The following PHLDB2 variants were observed in gnomAD, a reference collection of about 807,000 sequenced individuals.
PHLDB2 encodes the protein pleckstrin homology-like domain family B member 2.
In PHLDB2, 71 loss-of-function variants were observed where a neutral mutation model predicts 123.6. The ratio of observed to expected loss-of-function variants is 0.57; its 90% confidence interval spans 0.47 to 0.70. The LOEUF (loss-of-function observed/expected upper bound fraction) is 0.70. Among genes scored for constraint, PHLDB2 ranks in the 30% least tolerant of loss-of-function variants. The probability of loss-of-function intolerance (pLI) is 0.00; values close to 1 mark genes in which losing one functional copy is unlikely to be tolerated. For missense variants in PHLDB2, 1,446 were observed against 1,519.5 expected (o/e 0.95, Z 0.80); for synonymous variants, 547 against 541.6 (o/e 1.01, Z -0.14).
At chr3:111,816,838 T>A (rs952365583) in intron 1 of PHLDB2, among the ~76,000 whole-genome samples, 2 of 152,192 alleles carry the variant, frequency 1.3e-5, no homozygotes, top group Non-Finnish European at 2.9e-5. Flanking sequence ...CATCTTGAAT[T>A]GTAACTCCCA....
At chr3:111,793,717 T>C (rs78796256) in intron 1 of PHLDB2, among the ~76,000 whole-genome samples, 2,845 of 151,840 alleles carry the variant, frequency 0.019, 54 homozygotes, top group Middle Eastern at 0.051. Context: ...CAAGGACTCT[T>C]TGGTCAGCAG....
At chr3:111,807,959 T>G (rs998973064) in intron 1 of PHLDB2, among the ~76,000 whole-genome samples, 16 of 151,606 alleles carry the variant, frequency 1.1e-4, no homozygotes, top group South Asian at 2.1e-4. Context: ...TTTTTTTTTT[T>G]TTTTTGCCTA....
chr3:111,838,504 T>C (rs2063519227), intron 1 of PHLDB2, among the ~76,000 whole-genome samples: 1 of 152,178 alleles, frequency 6.6e-6, no homozygotes, highest in South Asian at 2.1e-4. Flanking sequence ...GGAAGTTACT[T>C]ATATACCTAT....
intron 1 of PHLDB2, among the ~76,000 whole-genome samples, chr3:111,795,463 C>T (rs1039582132): frequency 1.3e-5 from 2 of 152,214 alleles, no homozygotes; most frequent in Non-Finnish European, 2.9e-5. Context: ...CACAGTCCTT[C>T]ACAATGCTGC....
chr3:111,954,562 A>C (rs2070920287), intron 12 of PHLDB2, among the ~76,000 whole-genome samples: 1 of 152,118 alleles, frequency 6.6e-6, no homozygotes, highest in African/African-American at 2.4e-5. Flanking sequence ...TTTTTGTAGT[A>C]ATACATTACA....
intron 1 of PHLDB2, among the ~76,000 whole-genome samples, chr3:111,758,308 G>C (rs568850504): frequency 1.3e-4 from 20 of 152,340 alleles, no homozygotes; most frequent in African/African-American, 4.8e-4. Context: ...CTGGGCAATG[G>C]TGGGTGCCCC....
chr3:111,866,144 G>A lies in PHLDB2; in HGVS notation c.-15+6568G>A, dbSNP rs182765130. 3.0e-3 allele frequency among the ~76,000 whole-genome samples: 450 copies of A among 148,576 alleles called. 3 individuals carry two copies. The highest frequency in any genetic ancestry group is 0.011 in the African/African-American group (428 of 40,294). ...AGTGATTATCCTGCCTCAGCCTCCCGAGTAGCTGGGATTACAGGCATGCAC... is the reference window on the plus strand; with the variant it reads ...AGTGATTATCCTGCCTCAGCCTCCCAAGTAGCTGGGATTACAGGCATGCAC... On this transcript the variant is annotated intron_variant, in intron 1 of 17. Coordinates refer to ENST00000431670, the MANE Select transcript of PHLDB2 (RefSeq NM_001134438.2).
At chr3:111,935,207 C>T (rs1322779734) in intron 6 of PHLDB2, among the ~76,000 whole-genome samples, 1 of 147,050 alleles carries the variant, frequency 6.8e-6, no homozygotes, top group Non-Finnish European at 1.5e-5. Flanking sequence ...TCACGCCATT[C>T]TCCTGCTTCA....
At chr3:111,835,875 G>C (rs2063372986) in intron 1 of PHLDB2, among the ~76,000 whole-genome samples, 1 of 152,192 alleles carries the variant, frequency 6.6e-6, no homozygotes. Flanking sequence ...CCAGGAAGAA[G>C]TTGTCTGCCT....
intron 11 of PHLDB2, 28 bp downstream of exon 11, chr3:111,952,740 C>T (rs758818066): frequency 4.4e-6 from 7 of 1,601,074 alleles, no homozygotes; most frequent in Non-Finnish European, 6.0e-6. Context: ...CCACGGGCTT[C>T]CCATTCCATG....
At chr3:111,772,815 C>T (rs1356077357) in intron 1 of PHLDB2, among the ~76,000 whole-genome samples, 1 of 152,138 alleles carries the variant, frequency 6.6e-6, no homozygotes, top group Non-Finnish European at 1.5e-5. Flanking sequence ...TCATAAACAC[C>T]TCATAGAGCC....
chr3:111,923,629 CT>C (rs2068650122), intron 5 of PHLDB2, among the ~76,000 whole-genome samples: 1 of 152,098 alleles, frequency 6.6e-6, no homozygotes, highest in Non-Finnish European at 1.5e-5. Flanking sequence ...TATCTTTTCC[CT>C]TGCCTTCCAC....
intron 1 of PHLDB2, among the ~76,000 whole-genome samples, chr3:111,758,160 C>A (rs1285107905): frequency 6.6e-6 from 1 of 152,014 alleles, no homozygotes; most frequent in Non-Finnish European, 1.5e-5. Flanking sequence ...TTTAACTCTG[C>A]AGAGGTTACT....
intron 5 of PHLDB2, among the ~76,000 whole-genome samples, chr3:111,924,224 G>A (rs1044456662): frequency 1.3e-5 from 2 of 152,224 alleles, no homozygotes; most frequent in South Asian, 4.1e-4. Context: ...TTTCCAGTTC[G>A]GGTTAGATTT....
intron 1 of PHLDB2, among the ~76,000 whole-genome samples, chr3:111,844,349 A>T (rs1440191228): frequency 1.3e-5 from 2 of 152,158 alleles, no homozygotes; most frequent in Non-Finnish European, 2.9e-5. Context: ...TCAATTCAAC[A>T]TGTCCAGAAT....
chr3:111,893,877 C>CTT (rs67860610), intron 2 of PHLDB2, among the ~76,000 whole-genome samples: 1 of 135,654 alleles, frequency 7.4e-6, no homozygotes. Context: ...AGCACTATTT[C>CTT]TTTTTTTTTT....
intron 2 of PHLDB2, among the ~76,000 whole-genome samples, chr3:111,906,736 G>T (rs868353850): frequency 6.6e-6 from 1 of 152,280 alleles, no homozygotes; most frequent in Middle Eastern, 3.4e-3. Context: ...ATAGTAATCT[G>T]CACATAACAA....
intron 1 of PHLDB2, chr3:111,860,023 T>C: frequency 2.4e-6 from 1 of 411,664 alleles, no homozygotes; most frequent in Non-Finnish European, 3.3e-6. Flanking sequence ...CTCGGGGGGC[T>C]GGGTAGATCT....
chr3:111,830,165 C>A (rs4682064), intron 1 of PHLDB2, among the ~76,000 whole-genome samples: 149,553 of 152,254 alleles, frequency 0.98, 73,509 homozygotes, highest in East Asian at 1. Flanking sequence ...TGACTGCCAG[C>A]AAAACAGCTT....
Sources: allele counts gnomAD v4.1 joint callset (sites outside exome capture counted in the v4.1 genomes callset), GRCh38; gene constraint gnomAD v4.1.1; transcripts MANE v1.5; gene names NCBI Gene and HGNC (gene_info 2026-07-23, HGNC 2026-07-21).